Variants in GDE1 observed in about 807,000 individuals in gnomAD.
The protein encoded by GDE1 is glycerophosphodiester phosphodiesterase 1.
Under a neutral mutation model 32.2 loss-of-function variants are expected in GDE1, and 24 were observed. The observed-to-expected ratio is 0.75, with a 90% CI of 0.54 to 1.05. The LOEUF (loss-of-function observed/expected upper bound fraction) is 1.05, where lower values mean the gene tolerates loss of function less well. Ranked by LOEUF, GDE1 falls within the 50% of genes least tolerant of loss-of-function variation. The pLI, the probability that GDE1 is intolerant of heterozygous loss-of-function variation, is 0.00. For synonymous variants in GDE1, 159 were observed against 158.6 expected (o/e 1.00, Z -0.02); for missense variants, 380 against 415.0 (o/e 0.92, Z 0.73).
In GDE1 at chr16:19,503,404, G is replaced by A. The variant is rs1011452499; in HGVS notation, c.*66C>T. On this transcript the variant is annotated 3_prime_UTR_variant, in exon 6 of 6. Transcript: ENST00000353258. ...CCCAGGGCCTGGGCTAGCACAAAGG[G>A]TATTTTGATATCCCTGTATGAGGCC... 5 of 1,405,348 alleles carry A rather than the reference G, an allele frequency of 3.6e-6. No homozygotes were observed. The highest frequency in any genetic ancestry group is 2.9e-5 in the African/African-American group (2 of 69,926). The allele number at this position is 1,405,348 out of a possible 1,614,324, so 87.1% of individuals were successfully genotyped here. A position where few individuals can be genotyped will look rare whatever the true frequency, so the allele number is the denominator to read the frequency against.
chr16:19,520,925 G>A (rs1597239285), intron 1 of GDE1, among the ~76,000 whole-genome samples: 1 of 152,282 alleles, frequency 6.6e-6, no homozygotes, highest in South Asian at 2.1e-4. Context: ...TGAAAAGGAG[G>A]GGGCAGAAAC....
intron 1 of GDE1, among the ~76,000 whole-genome samples, chr16:19,517,480 C>T (rs1969395753): frequency 6.6e-6 from 1 of 152,196 alleles, no homozygotes; most frequent in South Asian, 2.1e-4. Flanking sequence ...GGATGTTTAA[C>T]TATATGGGTC....
At chr16:19,517,763 A>T (rs866248409) in intron 1 of GDE1, among the ~76,000 whole-genome samples, 1 of 152,230 alleles carries the variant, frequency 6.6e-6, no homozygotes, top group Non-Finnish European at 1.5e-5. Flanking sequence ...ATTTATCTAA[A>T]AAGAGAATTT....
At chr16:19,505,660 G>C (rs565752705) in intron 4 of GDE1, among the ~76,000 whole-genome samples, 26 of 152,270 alleles carry the variant, frequency 1.7e-4, no homozygotes, top group African/African-American at 6.3e-4. Context: ...GCTCCTCTGG[G>C]GGAATGTCTT....
chr16:19,513,542 T>C (rs1289955553), intron 2 of GDE1, among the ~76,000 whole-genome samples: 1 of 152,210 alleles, frequency 6.6e-6, no homozygotes, highest in Non-Finnish European at 1.5e-5. Flanking sequence ...TACAAAATCA[T>C]GTTGTCAGCA....
chr16:19,509,853 G>A (rs1969294811), intron 3 of GDE1, among the ~76,000 whole-genome samples: 1 of 151,916 alleles, frequency 6.6e-6, no homozygotes. Flanking sequence ...TGGAGACAGG[G>A]GTTTCACCAT....
intron 2 of GDE1, among the ~76,000 whole-genome samples, chr16:19,515,087 T>A (rs965896183): frequency 2.7e-3 from 345 of 126,380 alleles, no homozygotes; most frequent in African/African-American, 9.3e-3. Flanking sequence ...AAAAAAAAGA[T>A]AAGGATAATT....
At chr16:19,517,598 C>T (rs934338211) in intron 1 of GDE1, among the ~76,000 whole-genome samples, 1 of 152,200 alleles carries the variant, frequency 6.6e-6, no homozygotes, top group Admixed American at 6.5e-5. Context: ...AGATATTTCA[C>T]TACTTTGGCA....
chr16:19,520,250 A>G (rs895944967), intron 1 of GDE1, among the ~76,000 whole-genome samples: 3 of 151,722 alleles, frequency 2.0e-5, no homozygotes, highest in Admixed American at 1.3e-4. Flanking sequence ...AAAAGTATAA[A>G]TCTTGGCCGG....
chr16:19,516,769 T>G (rs1305517217), intron 2 of GDE1, among the ~76,000 whole-genome samples: 3 of 152,232 alleles, frequency 2.0e-5, no homozygotes, highest in Admixed American at 6.5e-5. Context: ...GCCTCATGAT[T>G]CTATGACTAG....
chr16:19,520,756 A>C (rs1297517957), intron 1 of GDE1, among the ~76,000 whole-genome samples: 1 of 151,748 alleles, frequency 6.6e-6, no homozygotes, highest in Non-Finnish European at 1.5e-5. Context: ...AGAAGGAAGG[A>C]AGAAGAGAGA....
At chr16:19,514,607 C>G (rs1969357714) in intron 2 of GDE1, among the ~76,000 whole-genome samples, 1 of 152,064 alleles carries the variant, frequency 6.6e-6, no homozygotes, top group Non-Finnish European at 1.5e-5. Flanking sequence ...TTAAGTGCAA[C>G]TGTTTAAAAT....
At chr16:19,503,817 C>T (rs1969210365) in intron 5 of GDE1, 200 bp from the exon 6 acceptor site, 3 of 488,882 alleles carry the variant, frequency 6.1e-6, no homozygotes, top group Admixed American at 3.3e-5. Context: ...CAGCTTAAAA[C>T]ATTTCAGTAG....
rs7198070 is a variant in GDE1, at chr16:19,504,675, G to A, written c.848+206C>T. On this transcript the variant is annotated intron_variant, in intron 5 of 5. Coordinates refer to ENST00000353258, the MANE Select transcript of GDE1 (RefSeq NM_016641.4). ...TTTCTTCAAAATACACTAAAAAACC[G>A]AAAATATGTGATCGACTCGGTCTGA... 2,707 of 513,446 alleles carry A rather than the reference G, an allele frequency of 5.3e-3. 56 individuals carry two copies. The highest frequency in any genetic ancestry group is 0.038 in the African/African-American group (1,974 of 52,078). The allele number at this position is 513,446 out of a possible 1,614,324, so 31.8% of individuals were successfully genotyped here. A position where few individuals can be genotyped will look rare whatever the true frequency, so the allele number is the denominator to read the frequency against.
intron 1 of GDE1, among the ~76,000 whole-genome samples, chr16:19,518,660 C>T (rs1021785504): frequency 7.2e-5 from 11 of 152,114 alleles, no homozygotes; most frequent in Admixed American, 2.0e-4. Flanking sequence ...ACTCCCTTAC[C>T]GGTTTTTATT....
intron 5 of GDE1, 177 bp downstream of exon 5, chr16:19,504,704 C>T (rs1567335104): frequency 1.8e-6 from 1 of 567,338 alleles, no homozygotes; most frequent in Non-Finnish European, 3.1e-6. Context: ...GGTCTGAAAA[C>T]AGTGAAATAT....
At chr16:19,521,680 G>A (rs763944961) in intron 1 of GDE1, 24 bp downstream of exon 1, 5 of 1,607,054 alleles carry the variant, frequency 3.1e-6, no homozygotes, top group African/African-American at 1.3e-5. Context: ...GGAGGACCGA[G>A]GGGCGCGAAC....
rs1969268976 is a variant in GDE1 at position 19,507,855 on chromosome 16, A to T, written c.544-76T>A. On this transcript the variant is annotated intron_variant, in intron 3 of 5. Transcript: ENST00000353258. Reference sequence around the variant, plus strand: ...TAGCCCCAGCCAATAACTATCACATATTAAGTACAACCCTATGGAATAAAA... The same window carrying T: ...TAGCCCCAGCCAATAACTATCACATTTTAAGTACAACCCTATGGAATAAAA... 3 of 709,582 alleles carry T rather than the reference A, an allele frequency of 4.2e-6. No homozygotes were observed. In the East Asian group the frequency reaches 7.6e-5, roughly 18 times the overall value. 44.0% of individuals were successfully genotyped at this position (709,582 alleles called of 1,614,324 possible).
chr16:19,515,066 CAA>C (rs67148636), intron 2 of GDE1, among the ~76,000 whole-genome samples: 47,087 of 112,988 alleles, frequency 0.42, 9,899 homozygotes, highest in South Asian at 0.6. Flanking sequence ...AACTCCAACT[CAA>C]AAAAAAAAAA....
Sources: gnomAD v4.1 joint callset for allele counts (sites outside exome capture counted in the v4.1 genomes callset) on GRCh38, gnomAD v4.1.1 for gene constraint, MANE v1.5 for transcripts, NCBI Gene and HGNC (gene_info 2026-07-23, HGNC 2026-07-21) for gene names.